UGT1A6: variants seen among roughly 807,000 people sequenced by gnomAD.
The protein encoded by UGT1A6 is UDP glucuronosyltransferase family 1 member A6, also known as UDP-glucuronosyltransferase 1A6.
Under a neutral mutation model 44.4 loss-of-function variants are expected in UGT1A6, and 32 were observed. The ratio of observed to expected loss-of-function variants is 0.72; its 90% CI spans 0.54 to 0.97. The LOEUF (loss-of-function observed/expected upper bound fraction) is 0.97, where lower values mean the gene tolerates loss of function less well. UGT1A6 is among the 50% of genes least tolerant of loss of function. UGT1A6 has a pLI of 0.00. For missense variants in UGT1A6, 685 were observed against 661.9 expected, an observed-to-expected ratio of 1.03 and a Z score of -0.38; for synonymous variants, 238 against 248.5, an observed-to-expected ratio of 0.96 and a Z score of 0.40.
chr2:233,759,959 G>A (rs149939396), intron 1 of UGT1A6, among the ~76,000 whole-genome samples: 41 of 152,230 alleles, frequency 2.7e-4, no homozygotes, highest in African/African-American at 8.9e-4. Context: ...CTACATAGTC[G>A]TCCTTCTTCC....
chr2:233,712,155 C>G (rs1431486401), intron 1 of UGT1A6, among the ~76,000 whole-genome samples: 1 of 152,220 alleles, frequency 6.6e-6, no homozygotes, highest in Non-Finnish European at 1.5e-5. Context: ...AAGAGGAATT[C>G]AGACTGTGCA....
At chr2:233,691,877 G>A (rs948217573), upstream of UGT1A6, 2 of 155,778 alleles carry the variant, frequency 1.3e-5, no homozygotes, top group Admixed American at 1.3e-4. Flanking sequence ...ATATATGTTT[G>A]TCTTTGTTTC....
chr2:233,721,950 T>C (rs1362850553), intron 1 of UGT1A6: 2 of 360,066 alleles, frequency 5.6e-6, no homozygotes, highest in Admixed American at 6.4e-5. Context: ...TTGGTGGCTC[T>C]TTGTATATGC....
At chr2:233,704,442 T>C (rs957652492) in intron 1 of UGT1A6, among the ~76,000 whole-genome samples, 1 of 152,198 alleles carries the variant, frequency 6.6e-6, no homozygotes, top group African/African-American at 2.4e-5. Context: ...AATATTGAAA[T>C]GTCATTCCTA....
rs752305202 is a variant in UGT1A6, at chr2:233,769,534, G to A, written c.1301+1095G>A. ...CTCCCATGGTTACCTCCTTTAGAAA[G>A]AAGCAGCAGTCAGGAAGACAGATGT... On this transcript the variant is annotated intron_variant, in intron 4 of 4. Transcript: ENST00000305139. This position sits in a 1 kb window ranked among gnomAD's most constrained non-coding sequence, Gnocchi z 4.4. 1.9e-6 allele frequency: 3 copies of A among 1,612,926 alleles called. No homozygotes were observed. Among genetic ancestry groups the A allele is most frequent in the Non-Finnish European group, 2.5e-6 (3 of 1,179,884 alleles).
intron 1 of UGT1A6, chr2:233,743,145 C>T (rs1174394425): frequency 2.3e-5 from 8 of 355,378 alleles, no homozygotes; most frequent in Admixed American, 7.6e-5. Context: ...AAAAAAAGTC[C>T]GCTATTCCTC....
chr2:233,728,748 G>A (rs2077747178), intron 1 of UGT1A6, among the ~76,000 whole-genome samples: 1 of 152,206 alleles, frequency 6.6e-6, no homozygotes, highest in African/African-American at 2.4e-5. Flanking sequence ...TAGGGCAATG[G>A]TGACTCCTCA....
chr2:233,719,372 C>T lies in UGT1A6; in HGVS notation c.861+25507C>T, dbSNP rs374656877. 246 of 1,613,844 alleles carry T rather than the reference C, an allele frequency of 1.5e-4. No individual in the cohort carries two copies. In the Middle Eastern group the frequency reaches 2.5e-3, roughly 16 times the overall value. ...TTCCATGTGACTTAGACTTTAAGGG[C>T]ACACAGTGTCCAAATCCTTCCTCCT... is the stretch of plus-strand genomic sequence containing the variant. On this transcript the variant is annotated intron_variant, in intron 1 of 4. Coordinates refer to ENST00000305139, the MANE Select transcript of UGT1A6 (RefSeq NM_001072.4).
At chr2:233,757,535 A>AAT (rs67292694) in intron 1 of UGT1A6, among the ~76,000 whole-genome samples, 7,470 of 88,184 alleles carry the variant, frequency 0.085, 593 homozygotes, top group East Asian at 0.11. Context: ...GCCTGTAAGG[A>AAT]ATATATATAT....
chr2:233,713,178 C>T, intron 1 of UGT1A6: 1 of 1,614,224 alleles, frequency 6.2e-7, no homozygotes, highest in Non-Finnish European at 8.5e-7. Flanking sequence ...GGTCCTCACC[C>T]TGGAGGTGAA....
At chr2:233,714,779 A>T (rs2076411576) in intron 1 of UGT1A6, among the ~76,000 whole-genome samples, 1 of 152,270 alleles carries the variant, frequency 6.6e-6, no homozygotes, top group African/African-American at 2.4e-5. Flanking sequence ...AATTTGGAAT[A>T]GCCACATTTC....
chr2:233,713,749 C>G (rs1291086898), intron 1 of UGT1A6: 3 of 1,613,848 alleles, frequency 1.9e-6, no homozygotes, highest in South Asian at 2.2e-5. Context: ...AGCCATGCAT[C>G]TGTGTGGCTG....
At position 233,693,388 on chromosome 2, in the gene UGT1A6, C is replaced by A; in HGVS notation, c.384C>A (p.Ser128Arg). The A allele has an allele frequency of 2.5e-6, 4 of 1,614,150 alleles. No homozygotes were observed. Among genetic ancestry groups the A allele is most frequent in the South Asian group, 1.1e-5 (1 of 91,080 alleles). Reference protein sequence around the residue: ...VIGLYFINCQSLLQDRDTLNF... With the variant: ...VIGLYFINCQRLLQDRDTLNF... ...GCCTGTACTTCATCAACTGCCAGAG[C>A]CTCCTGCAGGACAGGGACACCCTGA... The change falls in exon 1 of 5, where the codon AGC becomes AGA. Residue 128 changes from serine to arginine, a missense_variant. Ser to Arg is a moderately radical substitution (Grantham distance 110). Coordinates refer to ENST00000305139, the MANE Select transcript of UGT1A6 (RefSeq NM_001072.4).
intron 1 of UGT1A6, among the ~76,000 whole-genome samples, chr2:233,728,656 G>A (rs187762667): frequency 2.0e-5 from 3 of 152,180 alleles, no homozygotes; most frequent in African/African-American, 4.8e-5. Flanking sequence ...TTTTGGATGC[G>A]CTGCGTTACT....
intron 1 of UGT1A6, among the ~76,000 whole-genome samples, chr2:233,737,879 A>G (rs1333884125): frequency 6.6e-6 from 1 of 152,166 alleles, no homozygotes; most frequent in East Asian, 1.9e-4. Flanking sequence ...TTCCACATTA[A>G]CAAAGCTAAT....
intron 1 of UGT1A6, among the ~76,000 whole-genome samples, chr2:233,707,432 T>G (rs1189246042): frequency 6.6e-6 from 1 of 152,200 alleles, no homozygotes; most frequent in African/African-American, 2.4e-5. Context: ...TCTTTGCTTT[T>G]CTTTACAATT....
chr2:233,723,584 A>C (rs1403831697), intron 1 of UGT1A6, among the ~76,000 whole-genome samples: 1 of 77,864 alleles, frequency 1.3e-5, no homozygotes, highest in Non-Finnish European at 2.3e-5. Context: ...ACAGAGGGGG[A>C]TTTGGCAGGG....
At chr2:233,758,681 T>C (rs543730611) in intron 1 of UGT1A6, among the ~76,000 whole-genome samples, 2 of 152,218 alleles carry the variant, frequency 1.3e-5, no homozygotes, top group Admixed American at 6.5e-5. Context: ...ATATGTCCCA[T>C]AGGACACCAA....
At chr2:233,766,879 G>A (rs1237814699) in intron 1 of UGT1A6, among the ~76,000 whole-genome samples, 155 bp from the exon 2 acceptor site, 1 of 152,170 alleles carries the variant, frequency 6.6e-6, no homozygotes, top group Non-Finnish European at 1.5e-5. Context: ...GGAAAATGCT[G>A]TAAAACTTAC....
Sources: allele counts gnomAD v4.1 joint callset (sites outside exome capture counted in the v4.1 genomes callset), GRCh38; gene constraint gnomAD v4.1.1; non-coding constraint Gnocchi (gnomAD v3.1); transcripts MANE v1.5; gene names NCBI Gene and HGNC (gene_info 2026-07-23, HGNC 2026-07-21).